NLRC5: variants seen among roughly 807,000 people sequenced by gnomAD.
NLRC5 encodes the protein NLR family CARD domain containing 5.
NLRC5 carries 114 observed loss-of-function variants against 206.9 expected under a neutral mutation model. That is an observed-to-expected ratio of 0.55 (90% CI 0.47 to 0.64). The LOEUF is 0.64. NLRC5 is among the 30% of genes least tolerant of loss of function. NLRC5 has a pLI of 0.00. For synonymous variants in NLRC5, 952 were observed against 962.8 expected, an observed-to-expected ratio of 0.99 and a Z score of 0.21; for missense variants, 2,008 against 2,305.5, an observed-to-expected ratio of 0.87 and a Z score of 2.64.
chr16:57,067,093 A>G (rs2067159314), intron 34 of NLRC5, among the ~76,000 whole-genome samples: 2 of 152,172 alleles, frequency 1.3e-5, no homozygotes, highest in Admixed American at 1.3e-4. Context: ...CACCCTTTTG[A>G]GTGGATGCAG....
intron 36 of NLRC5, among the ~76,000 whole-genome samples, chr16:57,068,228 G>A (rs916901327): frequency 2.6e-5 from 4 of 151,864 alleles, no homozygotes; most frequent in Admixed American, 1.3e-4. Context: ...TCAGGAATTC[G>A]AGACCACCCT....
chr16:57,067,726 A>G lies in NLRC5; in HGVS notation c.4407-10A>G, dbSNP rs2067223221. The G allele has an allele frequency of 6.2e-7, 1 of 1,612,676 alleles. No homozygotes were observed. Among genetic ancestry groups the G allele is most frequent in the Non-Finnish European group, 8.5e-7 (1 of 1,178,874 alleles). On this transcript the variant is annotated splice_polypyrimidine_tract_variant and intron_variant, in intron 35 of 48. Coordinates refer to ENST00000688547, the MANE Select transcript of NLRC5 (RefSeq NM_001384950.1). Reference sequence around the variant, plus strand: ...CTGAAATCCTCTAGAATATCCTTGGACCTTTTCAGCTTGTCTCAGGTTAAC... The same window carrying G: ...CTGAAATCCTCTAGAATATCCTTGGGCCTTTTCAGCTTGTCTCAGGTTAAC...
Position 57,074,668 on chromosome 16 carries a change from G to C in NLRC5, c.4736G>C (p.Cys1579Ser). Residue 1579 changes from cysteine (C) to serine (S), a missense_variant, in exon 39 of 49, where the codon TGC (cysteine) becomes TCC (serine). By Grantham distance (112) the Cys-to-Ser change is moderately radical (BLOSUM62 -1). Transcript: ENST00000688547. ...LLTHRLSQMT[C>S]LQSLRLNRNS... ...ACTCACAGACTAAGCCAGATGACCT[G>C]CCTGCAGAGCCTCAGGTGAGTGACC... The C allele has an allele frequency of 6.2e-7, 1 of 1,613,814 alleles. No homozygotes were observed. Among genetic ancestry groups the C allele is most frequent in the Non-Finnish European group, 8.5e-7 (1 of 1,179,790 alleles).
intron 1 of NLRC5, among the ~76,000 whole-genome samples, chr16:57,006,766 G>T (rs775620633): frequency 6.6e-6 from 1 of 151,890 alleles, no homozygotes; most frequent in East Asian, 1.9e-4. Context: ...TGATTACATG[G>T]CATTTACCAC....
chr16:57,070,911 G>GT (rs2067607066), intron 38 of NLRC5, among the ~76,000 whole-genome samples: 1 of 145,586 alleles, frequency 6.9e-6, no homozygotes, highest in African/African-American at 2.6e-5. Context: ...AGTGGTGATG[G>GT]TGGTTAATGG....
At chr16:57,067,636 G>T in intron 35 of NLRC5, 100 bp from the exon 36 acceptor site, 1 of 1,375,932 alleles carries the variant, frequency 7.3e-7, no homozygotes, top group Non-Finnish European at 1.0e-6. Flanking sequence ...GGGAGCTCTT[G>T]GGTGGCCCCT....
At chr16:56,994,845 CATTTTTGCA>C (rs2057409028) in intron 1 of NLRC5, among the ~76,000 whole-genome samples, 1 of 152,144 alleles carries the variant, frequency 6.6e-6, no homozygotes, top group Admixed American at 6.5e-5. Flanking sequence ...TTGTGAATGA[CATTTTTGCA>C]ATTTTTGCAA....
intron 1 of NLRC5, among the ~76,000 whole-genome samples, chr16:57,016,373 A>G (rs1020086840): frequency 6.6e-6 from 1 of 152,182 alleles, no homozygotes; most frequent in African/African-American, 2.4e-5. Flanking sequence ...GGATTTGTCT[A>G]AAGTCATGGA....
At chr16:56,999,275 T>A (rs1470871341) in intron 1 of NLRC5, among the ~76,000 whole-genome samples, 1 of 152,250 alleles carries the variant, frequency 6.6e-6, no homozygotes, top group Non-Finnish European at 1.5e-5. Context: ...ATTCAGTCGA[T>A]CACATTGTGT....
chr16:57,031,327 GA>G, intron 10 of NLRC5, 76 bp from the exon 11 acceptor site: 3 of 1,490,172 alleles, frequency 2.0e-6, no homozygotes, highest in South Asian at 2.3e-5. Flanking sequence ...ATTTGGGGCA[GA>G]AAAGGGTGTG....
rs2068786165 is a variant in NLRC5 at position 57,078,996 on chromosome 16, G to A, written c.5082-54G>A. The A allele has an allele frequency of 2.0e-5, 30 of 1,511,778 alleles. No homozygotes were observed. In the South Asian group the frequency reaches 3.2e-4, roughly 16 times the overall value. 93.6% of individuals were successfully genotyped at this position (1,511,778 alleles called of 1,614,324 possible). On this transcript the variant is annotated intron_variant, in intron 43 of 48. Coordinates refer to ENST00000688547, the MANE Select transcript of NLRC5 (RefSeq NM_001384950.1). ...CAGCCTGAGACAAGGCTGAGGGTGG[G>A]GCTCTGGAAACGCCAGTCCCTCAGG...
At chr16:57,077,878 A>G in intron 42 of NLRC5, 65 bp from the exon 43 acceptor site, 1 of 1,602,798 alleles carries the variant, frequency 6.2e-7, no homozygotes, top group Non-Finnish European at 8.5e-7. Flanking sequence ...CAGTGGGCAC[A>G]GGGCAGGGCG....
intron 15 of NLRC5, among the ~76,000 whole-genome samples, chr16:57,039,145 G>T (rs1314367839): frequency 3.3e-5 from 5 of 152,154 alleles, no homozygotes; most frequent in Non-Finnish European, 5.9e-5. Flanking sequence ...CACTCCAAAG[G>T]TTACCAGGGG....
At chr16:57,068,716 A>G (rs117285419) in intron 36 of NLRC5, among the ~76,000 whole-genome samples, 19 of 152,304 alleles carry the variant, frequency 1.2e-4, no homozygotes, top group Middle Eastern at 3.4e-3. Flanking sequence ...TTATACTCCA[A>G]TCTCACCAGT....
At chr16:57,034,120 G>A in intron 12 of NLRC5, 48 bp from the exon 13 acceptor site, 1 of 1,520,468 alleles carries the variant, frequency 6.6e-7, no homozygotes, top group Non-Finnish European at 9.1e-7. Context: ...GGGCCATGGA[G>A]TAGGGGCTGT....
At chr16:56,996,087 C>T (rs529694238) in intron 1 of NLRC5, among the ~76,000 whole-genome samples, 1 of 152,316 alleles carries the variant, frequency 6.6e-6, no homozygotes, top group African/African-American at 2.4e-5. Context: ...GAGGCCAGGC[C>T]TCCGGTCAGA....
At chr16:57,050,058 A>G (rs1244666359) in intron 23 of NLRC5, among the ~76,000 whole-genome samples, 1 of 151,136 alleles carries the variant, frequency 6.6e-6, no homozygotes, top group African/African-American at 2.4e-5. Flanking sequence ...CTGTGTACAC[A>G]TGGGCATACC....
intron 27 of NLRC5, among the ~76,000 whole-genome samples, chr16:57,056,855 C>A (rs144452411): frequency 6.7e-4 from 102 of 151,972 alleles, no homozygotes; most frequent in African/African-American, 2.3e-3. Context: ...GACGGGGTTT[C>A]ACCATGTTGG....
At chr16:56,998,185 C>A (rs2057844795) in intron 1 of NLRC5, among the ~76,000 whole-genome samples, 2 of 149,864 alleles carry the variant, frequency 1.3e-5, no homozygotes, top group Middle Eastern at 7.0e-3. Flanking sequence ...AGCCTCAAGT[C>A]ACTGATGTCT....
Sources: allele counts gnomAD v4.1 joint callset (sites outside exome capture counted in the v4.1 genomes callset), GRCh38; gene constraint gnomAD v4.1.1; transcripts MANE v1.5; gene names NCBI Gene and HGNC (gene_info 2026-07-23, HGNC 2026-07-21).